Variants in RIMKLB observed in about 807,000 individuals in gnomAD.
RIMKLB encodes beta-citrylglutamate synthase B.
RIMKLB carries 7 observed loss-of-function variants against 32.0 expected under a neutral mutation model. The observed-to-expected ratio is 0.22, with a 90% CI of 0.12 to 0.41. The LOEUF (loss-of-function observed/expected upper bound fraction) is 0.41, where lower values mean the gene tolerates loss of function less well. Ranked by LOEUF, RIMKLB falls within the 10% of genes least tolerant of loss-of-function variation. The pLI is 1.00. For missense variants in RIMKLB, 289 were observed against 498.7 expected (o/e 0.58, Z 4.00); for synonymous variants, 172 against 185.1 (o/e 0.93, Z 0.57).
chr12:8,776,455 AATC>A lies in RIMKLB; in HGVS notation c.*2672_*2674del. On this transcript the variant is annotated 3_prime_UTR_variant, in exon 6 of 6. Transcript: ENST00000535829. Reference sequence around the variant, plus strand: ...CATAATTGTTTAATAACTTTTGTATAATCTTCATTGCTATTATGAGAGAGAATG... The same window carrying A: ...CATAATTGTTTAATAACTTTTGTATATTCATTGCTATTATGAGAGAGAATG... 1 of 806,150 alleles carries A rather than the reference AATC, an allele frequency of 1.2e-6. No homozygotes were observed. The highest frequency in any genetic ancestry group is 1.5e-6 in the Non-Finnish European group (1 of 666,810). The allele number at this position is 806,150 out of a possible 1,614,324, so 49.9% of individuals were successfully genotyped here. A position where few individuals can be genotyped will look rare whatever the true frequency, so the allele number is the denominator to read the frequency against.
chr12:8,709,131 G>A (rs974242958), intron 1 of RIMKLB, among the ~76,000 whole-genome samples: 8 of 152,042 alleles, frequency 5.3e-5, no homozygotes, highest in African/African-American at 1.9e-4. Flanking sequence ...TTATCTTATT[G>A]GGTAACCAAG....
rs954660892 is a variant in RIMKLB, at chr12:8,775,982, G to A, written c.*2198G>A. 1.0e-5 allele frequency: 10 copies of A among 983,574 alleles called. No homozygotes were observed. The highest frequency in any genetic ancestry group is 3.5e-5 in the African/African-American group (2 of 57,142). The allele number at this position is 983,574 out of a possible 1,614,324, so 60.9% of individuals were successfully genotyped here. On this transcript the variant is annotated 3_prime_UTR_variant, in exon 6 of 6. Transcript: ENST00000535829. The stretch of plus-strand genomic sequence containing the variant: ...TACTGTGGAGGATGCATACTATTTG[G>A]TATAGAGAAATAAATGAGGAAGAAA...
At chr12:8,683,154 T>G (rs1942464833) in intron 1 of RIMKLB, among the ~76,000 whole-genome samples, 1 of 152,220 alleles carries the variant, frequency 6.6e-6, no homozygotes, top group East Asian at 1.9e-4. Flanking sequence ...ATTTATTCCT[T>G]CATCTACTGA....
intron 2 of RIMKLB, among the ~76,000 whole-genome samples, chr12:8,747,487 A>G (rs1021030616): frequency 2.6e-5 from 4 of 152,084 alleles, no homozygotes; most frequent in African/African-American, 9.7e-5. Context: ...AACTATTACC[A>G]TGTTTAAAAG....
intron 5 of RIMKLB, among the ~76,000 whole-genome samples, chr12:8,772,845 G>A (rs1052616160): frequency 6.6e-6 from 1 of 152,214 alleles, no homozygotes; most frequent in African/African-American, 2.4e-5. Flanking sequence ...TATCCAGCCA[G>A]CTACCTTATA....
chr12:8,735,930 A>G (rs1946961831), intron 2 of RIMKLB, among the ~76,000 whole-genome samples: 1 of 151,830 alleles, frequency 6.6e-6, no homozygotes, highest in Non-Finnish European at 1.5e-5. Context: ...GGGTTTCTTC[A>G]TGTTAGTCAG....
chr12:8,752,987 C>G (rs1363832776), intron 4 of RIMKLB, among the ~76,000 whole-genome samples: 1 of 152,162 alleles, frequency 6.6e-6, no homozygotes, highest in Non-Finnish European at 1.5e-5. Context: ...TTCTGGTGAT[C>G]CACCTGCCTC....
intron 2 of RIMKLB, among the ~76,000 whole-genome samples, chr12:8,726,873 T>C (rs1467657024): frequency 6.6e-6 from 1 of 152,128 alleles, no homozygotes; most frequent in Non-Finnish European, 1.5e-5. Context: ...GTTACCCCTG[T>C]TTTTCTTATT....
chr12:8,711,522 CTTTT>C (rs11318157), intron 1 of RIMKLB, among the ~76,000 whole-genome samples: 1 of 148,032 alleles, frequency 6.8e-6, no homozygotes, highest in African/African-American at 2.5e-5. Context: ...TGATTACAAA[CTTTT>C]TTTTTTTATT....
intron 5 of RIMKLB, among the ~76,000 whole-genome samples, chr12:8,768,010 GCCACTTCCAATATGGCGGCAGGC>G (rs766494256): frequency 1.3e-5 from 2 of 152,260 alleles, no homozygotes; most frequent in South Asian, 4.2e-4. Context: ...TGGCGGCAGG[GCCACTTCCAATATGGCGGCAGGC>G]CTCTTGTTCT....
chr12:8,683,342 C>T (rs879078251), intron 1 of RIMKLB, among the ~76,000 whole-genome samples: 1 of 152,216 alleles, frequency 6.6e-6, no homozygotes, highest in East Asian at 1.9e-4. Context: ...ACCAATCTGT[C>T]TTCCAAAGTG....
chr12:8,696,317 GAAGT>G (rs1942888749), upstream of RIMKLB, among the ~76,000 whole-genome samples: 1 of 152,164 alleles, frequency 6.6e-6, no homozygotes, highest in Non-Finnish European at 1.5e-5. Flanking sequence ...TATCAGAGTG[GAAGT>G]AAATAGCAAC....
In RIMKLB at chr12:8,772,656, A is replaced by T. The variant is rs1190785527; in HGVS notation, c.698-665A>T. On this transcript the variant is annotated intron_variant, in intron 5 of 5. Transcript: ENST00000535829. ...TTTTTGGGGTCAAACACTACGGGTA[A>T]ACTCACATGTCATCCTCACTCCTAT... 2.0e-5 allele frequency among the ~76,000 whole-genome samples: 3 copies of T among 152,192 alleles called. No individual in the cohort carries two copies. In the East Asian group the frequency reaches 5.8e-4, roughly 29 times the overall value.
At chr12:8,763,363 C>CT (rs1385020993) in intron 5 of RIMKLB, among the ~76,000 whole-genome samples, 1 of 152,156 alleles carries the variant, frequency 6.6e-6, no homozygotes, top group Non-Finnish European at 1.5e-5. Flanking sequence ...TCTTTAGGGC[C>CT]TGGAAAGCCG....
At chr12:8,760,306 G>A (rs1949412881) in intron 5 of RIMKLB, among the ~76,000 whole-genome samples, 1 of 152,200 alleles carries the variant, frequency 6.6e-6, no homozygotes, top group Admixed American at 6.5e-5. Context: ...GTATTCCATG[G>A]TGTATATGTG....
At chr12:8,739,078 CTT>C (rs1947267081) in intron 2 of RIMKLB, among the ~76,000 whole-genome samples, 2 of 152,234 alleles carry the variant, frequency 1.3e-5, no homozygotes, top group South Asian at 4.1e-4. Flanking sequence ...CTAGAAAAGA[CTT>C]TTTTAAATTG....
intron 1 of RIMKLB, among the ~76,000 whole-genome samples, chr12:8,704,757 G>T (rs542967232): frequency 5.1e-4 from 78 of 152,278 alleles, no homozygotes; most frequent in Non-Finnish European, 9.0e-4. Flanking sequence ...TGAGGCAGGA[G>T]AATTTTGCTT....
the RIMKLB span, among the ~76,000 whole-genome samples, chr12:8,676,426 T>C: frequency 8.4e-6 from 1 of 119,100 alleles, no homozygotes; most frequent in African/African-American, 3.2e-5. Flanking sequence ...TGAGACAGAG[T>C]CTTGCTCTGT....
At position 8,775,213 on chromosome 12, in the gene RIMKLB, G is replaced by C; in HGVS notation, c.*1429G>C. ...TTTTCTCTTTTTACATATAGGATTT[G>C]GGATTGGGGGTGGGTTGGATGTTTT... is the stretch of plus-strand genomic sequence containing the variant. On this transcript the variant is annotated 3_prime_UTR_variant, in exon 6 of 6. Transcript: ENST00000535829. 4.1e-6 allele frequency: 4 copies of C among 985,674 alleles called. No individual in the cohort carries two copies. The highest frequency in any genetic ancestry group is 4.8e-6 in the Non-Finnish European group (4 of 829,892). 61.1% of individuals were successfully genotyped at this position (985,674 alleles called of 1,614,324 possible). A position where few individuals can be genotyped will look rare whatever the true frequency, so the allele number is the denominator to read the frequency against.
Sources: gnomAD v4.1 joint callset for allele counts (sites outside exome capture counted in the v4.1 genomes callset) on GRCh38, gnomAD v4.1.1 for gene constraint, MANE v1.5 for transcripts, NCBI Gene and HGNC (gene_info 2026-07-23, HGNC 2026-07-21) for gene names.